CNTRL: variants seen among roughly 807,000 people sequenced by gnomAD.
CNTRL encodes the protein centriolin.
In CNTRL, 233 loss-of-function variants were observed where a neutral mutation model predicts 303.7. The observed-to-expected ratio is 0.77, with a 90% confidence interval of 0.69 to 0.86. CNTRL has a LOEUF of 0.86. Ranked by LOEUF, CNTRL falls within the 40% of genes least tolerant of loss-of-function variation. The pLI is 0.00. For synonymous variants in CNTRL, 900 were observed against 922.2 expected (o/e 0.98, Z 0.44); for missense variants, 2,524 against 2,650.6 (o/e 0.95, Z 1.05).
At chr9:121,119,907 T>C (rs928362403) in intron 12 of CNTRL, among the ~76,000 whole-genome samples, 1 of 152,208 alleles carries the variant, frequency 6.6e-6, no homozygotes, top group Non-Finnish European at 1.5e-5. Context: ...TTTTTCATAC[T>C]GTTTTGTTTT....
chr9:121,151,381 C>CTTGT (rs1564279774), intron 25 of CNTRL, among the ~76,000 whole-genome samples: 1 of 117,982 alleles, frequency 8.5e-6, no homozygotes, highest in Non-Finnish European at 1.7e-5. Context: ...TTTCTTTTTT[C>CTTGT]TTCTTCTTTT....
intron 8 of CNTRL, among the ~76,000 whole-genome samples, chr9:121,110,794 A>G (rs543979564): frequency 2.0e-5 from 3 of 151,680 alleles, no homozygotes; most frequent in East Asian, 1.9e-4. Context: ...CCTTCAGTCA[A>G]CTCTTGATTA....
chr9:121,132,633 G>A (rs1367892958), intron 14 of CNTRL, among the ~76,000 whole-genome samples: 1 of 152,134 alleles, frequency 6.6e-6, no homozygotes, highest in Non-Finnish European at 1.5e-5. Context: ...GCCTACTTCT[G>A]TCAGCTCATC....
At chr9:121,118,980 C>T (rs1204833854) in intron 12 of CNTRL, among the ~76,000 whole-genome samples, 1 of 152,004 alleles carries the variant, frequency 6.6e-6, no homozygotes, top group Non-Finnish European at 1.5e-5. Flanking sequence ...GCAGGGAATC[C>T]TGGGATGAAT....
chr9:121,128,760 T>A (rs1237528850), intron 14 of CNTRL, among the ~76,000 whole-genome samples: 2 of 152,232 alleles, frequency 1.3e-5, no homozygotes, highest in African/African-American at 2.4e-5. Context: ...TCTTCTAGGA[T>A]TTTTATGGTT....
At position 121,150,419 on chromosome 9, in the gene CNTRL, A is replaced by C. The variant is rs757978664; in HGVS notation, c.3899A>C (p.Asn1300Thr). 1 of 1,614,012 alleles carries C rather than the reference A, an allele frequency of 6.2e-7. No homozygotes were observed. Among genetic ancestry groups the C allele is most frequent in the Non-Finnish European group, 8.5e-7 (1 of 1,179,996 alleles). ...ATGGTGTATGGGCCTCCACCCCCCA[A>C]CTTCTCCATCCCCTTCATCCCTATG... ...APMVYGPPPP[N>T]FSIPFIPMGV... The change falls in exon 25 of 44, where the codon AAC (asparagine) becomes ACC (threonine). Residue 1300 changes from asparagine (N) to threonine (T), a missense_variant. Coordinates refer to ENST00000373855, the MANE Select transcript of CNTRL (RefSeq NM_007018.6).
intron 2 of CNTRL, among the ~76,000 whole-genome samples, chr9:121,086,754 C>T (rs2048360790): frequency 6.6e-6 from 1 of 150,810 alleles, no homozygotes; most frequent in African/African-American, 2.5e-5. Context: ...GATTCTGTTG[C>T]CTCAGCCTCC....
At chr9:121,127,860 A>G (rs7849368) in intron 14 of CNTRL, among the ~76,000 whole-genome samples, 99,859 of 145,072 alleles carry the variant, frequency 0.69, 34,567 homozygotes, top group East Asian at 0.96. Context: ...TGTTCTCATT[A>G]TTCAGTTCCT....
intron 27 of CNTRL, 62 bp from the exon 28 acceptor site, chr9:121,157,408 T>C (rs1379064921): frequency 1.4e-5 from 22 of 1,551,180 alleles, no homozygotes; most frequent in Non-Finnish European, 1.8e-5. Flanking sequence ...CTGGTTTACA[T>C]GGCCAGTAGC....
intron 32 of CNTRL, 114 bp from the exon 33 acceptor site, chr9:121,161,742 C>A: frequency 1.4e-6 from 1 of 705,258 alleles, no homozygotes; most frequent in Non-Finnish European, 2.3e-6. Flanking sequence ...TTCAGCTCAA[C>A]AAAATTTTTA....
intron 5 of CNTRL, among the ~76,000 whole-genome samples, 155 bp from the exon 6 acceptor site, chr9:121,096,267 A>G (rs2048887315): frequency 6.6e-6 from 1 of 152,232 alleles, no homozygotes; most frequent in South Asian, 2.1e-4. Context: ...ATTTGGCTTT[A>G]GCCACTTTTC....
intron 7 of CNTRL, among the ~76,000 whole-genome samples, chr9:121,103,808 A>G (rs1330675442): frequency 6.6e-6 from 1 of 152,236 alleles, no homozygotes; most frequent in Non-Finnish European, 1.5e-5. Flanking sequence ...GAGAAATGCA[A>G]ATCAAAACCA....
At chr9:121,151,358 A>G (rs2052232273) in intron 25 of CNTRL, among the ~76,000 whole-genome samples, 1 of 141,292 alleles carries the variant, frequency 7.1e-6, no homozygotes, top group Non-Finnish European at 1.5e-5. Flanking sequence ...CCTAATTACT[A>G]GATTACTTCC....
chr9:121,084,425 C>A (rs895512971), intron 2 of CNTRL, among the ~76,000 whole-genome samples: 4 of 152,078 alleles, frequency 2.6e-5, no homozygotes, highest in African/African-American at 9.7e-5. Context: ...ATGATTAACT[C>A]ATTCAATAAA....
chr9:121,138,817 A>G (rs1011101433), intron 16 of CNTRL, 138 bp downstream of exon 16: 1 of 752,764 alleles, frequency 1.3e-6, no homozygotes, highest in African/African-American at 1.8e-5. Context: ...TTCTGGGTGG[A>G]GCAGCACCAT....
chr9:121,083,100 G>A (rs1485784013), intron 2 of CNTRL, among the ~76,000 whole-genome samples: 3 of 152,130 alleles, frequency 2.0e-5, no homozygotes, highest in Non-Finnish European at 4.4e-5. Flanking sequence ...CAGTTAGTCG[G>A]TGAGTGAATG....
At chr9:121,121,281 T>A (rs1247745100) in intron 12 of CNTRL, among the ~76,000 whole-genome samples, 1 of 152,202 alleles carries the variant, frequency 6.6e-6, no homozygotes, top group Admixed American at 6.5e-5. Context: ...TATCCATTTT[T>A]CTTTCAATTT....
At chr9:121,102,532 T>C (rs1173292437) in intron 7 of CNTRL, among the ~76,000 whole-genome samples, 1 of 152,192 alleles carries the variant, frequency 6.6e-6, no homozygotes, top group African/African-American at 2.4e-5. Flanking sequence ...AACATAGTGT[T>C]GGAAATTCTG....
At chr9:121,088,889 G>A (rs916256663) in intron 3 of CNTRL, among the ~76,000 whole-genome samples, 13 of 152,214 alleles carry the variant, frequency 8.5e-5, no homozygotes, top group African/African-American at 9.6e-5. Flanking sequence ...GTAAAAAAAC[G>A]TTATACATAC....
Sources: allele counts gnomAD v4.1 joint callset (sites outside exome capture counted in the v4.1 genomes callset), GRCh38; gene constraint gnomAD v4.1.1; transcripts MANE v1.5; gene names NCBI Gene and HGNC (gene_info 2026-07-23, HGNC 2026-07-21).